The following ATP13A5 variants were observed in gnomAD, a reference collection of about 807,000 sequenced individuals.
ATP13A5 encodes the protein ATPase 13A5.
In ATP13A5, 149 loss-of-function variants were observed where a neutral mutation model predicts 150.2. The ratio of observed to expected loss-of-function variants is 0.99; its 90% confidence interval spans 0.87 to 1.14. The LOEUF (loss-of-function observed/expected upper bound fraction) is 1.14. ATP13A5 is among the 50% of genes most tolerant of loss of function. The pLI is 0.00. For synonymous variants in ATP13A5, 497 were observed against 522.2 expected, an observed-to-expected ratio of 0.95 and a Z score of 0.66; for missense variants, 1,383 against 1,449.3, an observed-to-expected ratio of 0.95 and a Z score of 0.74.
At chr3:193,355,837 C>T (rs190424340) in intron 5 of ATP13A5, among the ~76,000 whole-genome samples, 5 of 152,306 alleles carry the variant, frequency 3.3e-5, no homozygotes, top group Admixed American at 3.3e-4. Flanking sequence ...CTCGGTCCTC[C>T]ATTCTCTCTC....
At chr3:193,332,756 G>A (rs1314319739) in intron 11 of ATP13A5, among the ~76,000 whole-genome samples, 1 of 152,116 alleles carries the variant, frequency 6.6e-6, no homozygotes, top group Non-Finnish European at 1.5e-5. Flanking sequence ...CAGAGCCACA[G>A]GTTCTGACCC....
intron 18 of ATP13A5, 114 bp downstream of exon 18, chr3:193,314,858 C>T (rs1022372955): frequency 1.5e-5 from 21 of 1,383,318 alleles, no homozygotes; most frequent in African/African-American, 1.0e-4. Flanking sequence ...GTAACAAATT[C>T]GACAACAGAA....
chr3:193,376,076 G>A (rs1713631649), intron 1 of ATP13A5, among the ~76,000 whole-genome samples: 1 of 152,096 alleles, frequency 6.6e-6, no homozygotes, highest in African/African-American at 2.4e-5. Flanking sequence ...AGCCCCCAAG[G>A]CTGGGACTAA....
At chr3:193,296,013 G>C (rs1718156114) in intron 25 of ATP13A5, among the ~76,000 whole-genome samples, 2 of 152,090 alleles carry the variant, frequency 1.3e-5, no homozygotes, top group Non-Finnish European at 2.9e-5. Flanking sequence ...AGAGGGAAAG[G>C]GCAGGCAGCA....
intron 25 of ATP13A5, among the ~76,000 whole-genome samples, chr3:193,294,671 G>C (rs1718092113): frequency 6.6e-6 from 1 of 152,028 alleles, no homozygotes; most frequent in Admixed American, 6.6e-5. Context: ...TGGAAACCTG[G>C]AAATGTAAGA....
rs76869480 is a variant in ATP13A5, at chr3:193,301,841, A to T, written c.2679-534T>A. The stretch of plus-strand genomic sequence containing the variant: ...ATATTTGAGATTAAATGGGTAAGGA[A>T]GGCTTTGATATTGCAGGAAGACCCC... On this transcript the variant is annotated intron_variant, in intron 23 of 29. Transcript: ENST00000342358. 8.3e-3 allele frequency among the ~76,000 whole-genome samples: 1,265 copies of T among 152,284 alleles called. 38 individuals carry two copies. The highest frequency in any genetic ancestry group is 0.048 in the Admixed American group (734 of 15,288).
intron 14 of ATP13A5, among the ~76,000 whole-genome samples, 175 bp downstream of exon 14, chr3:193,324,689 G>A (rs1302948292): frequency 6.6e-6 from 1 of 152,172 alleles, no homozygotes; most frequent in Non-Finnish European, 1.5e-5. Flanking sequence ...ATTTCATGCA[G>A]CAACCATTAA....
At chr3:193,368,222 T>C (rs1046718331) in intron 1 of ATP13A5, among the ~76,000 whole-genome samples, 14 of 152,156 alleles carry the variant, frequency 9.2e-5, no homozygotes, top group African/African-American at 3.1e-4. Flanking sequence ...TTATAATACC[T>C]TCAAAGAAAG....
chr3:193,333,863 G>T lies in ATP13A5; in HGVS notation c.1159C>A (p.Pro387Thr). Reference sequence around the variant, plus strand: ...TATAGTTTGAAGTTCAGAGGCCGGGGGTACAGGATGGATCTCACTAAGTCC... The same window carrying T: ...TATAGTTTGAAGTTCAGAGGCCGGGTGTACAGGATGGATCTCACTAAGTCC... ...KGDLVRSILY[P>T]RPLNFKLYSD... Residue 387 changes from proline (P) to threonine (T), a missense_variant, in exon 11 of 30, where the codon CCC becomes ACC. Pro to Thr is a conservative substitution (Grantham distance 38, BLOSUM62 -1). Around this residue, in one of 3 missense-constraint regions of ATP13A5, gnomAD observed 787 missense variants for 771.9 expected, o/e 1.02. Transcript: ENST00000342358. 6.2e-7 allele frequency: 1 copy of T among 1,613,850 alleles called. No individual in the cohort carries two copies. The highest frequency in any genetic ancestry group is 8.5e-7 in the Non-Finnish European group (1 of 1,179,860).
chr3:193,299,600 C>T (rs1718323914), intron 24 of ATP13A5, among the ~76,000 whole-genome samples: 1 of 152,116 alleles, frequency 6.6e-6, no homozygotes, highest in South Asian at 2.1e-4. Flanking sequence ...TGCTCTCCAT[C>T]CTCACCCATG....
At chr3:193,307,263 G>A in intron 22 of ATP13A5, 64 bp downstream of exon 22, 2 of 1,611,508 alleles carry the variant, frequency 1.2e-6, no homozygotes, top group South Asian at 2.2e-5. Flanking sequence ...CCCCAGGAGA[G>A]CCTGAGGTCC....
intron 6 of ATP13A5, among the ~76,000 whole-genome samples, chr3:193,352,543 C>T (rs1712603616): frequency 6.6e-6 from 1 of 151,692 alleles, no homozygotes; most frequent in Non-Finnish European, 1.5e-5. Context: ...CCAGAAAATA[C>T]TAGCACTCCT....
intron 27 of ATP13A5, among the ~76,000 whole-genome samples, chr3:193,283,184 A>G (rs1022108124): frequency 2.6e-5 from 4 of 152,204 alleles, no homozygotes; most frequent in Admixed American, 6.5e-5. Context: ...TAAAAACTCA[A>G]TAGTCAATAA....
intron 13 of ATP13A5, among the ~76,000 whole-genome samples, chr3:193,325,216 A>G (rs1055924936): frequency 5.9e-5 from 9 of 152,176 alleles, no homozygotes; most frequent in African/African-American, 2.2e-4. Context: ...CTTACCTTAC[A>G]GTGTCCACTC....
In ATP13A5 at chr3:193,331,109, A is replaced by C. The variant is rs1711610042; in HGVS notation, c.1461+14T>G. 1 of 1,609,908 alleles carries C rather than the reference A, an allele frequency of 6.2e-7. No homozygotes were observed. ...GAAATCATTAACATTAAACCTGAGAAGTCTGGATCATACTTTGTCAAAGCA... is the reference window on the plus strand; with the variant it reads ...GAAATCATTAACATTAAACCTGAGACGTCTGGATCATACTTTGTCAAAGCA... On this transcript the variant is annotated intron_variant, in intron 12 of 29. Coordinates refer to ENST00000342358, the MANE Select transcript of ATP13A5 (RefSeq NM_198505.4).
chr3:193,280,196 G>A (rs533538913), intron 27 of ATP13A5, among the ~76,000 whole-genome samples: 4 of 151,940 alleles, frequency 2.6e-5, no homozygotes, highest in East Asian at 3.9e-4. Flanking sequence ...GACTACAGGC[G>A]CCCACCACCA....
chr3:193,360,924 G>A (rs113790343), intron 5 of ATP13A5, among the ~76,000 whole-genome samples: 3,771 of 152,234 alleles, frequency 0.025, 143 homozygotes, highest in African/African-American at 0.086. Flanking sequence ...TGAACCACCC[G>A]CCTTGGCCTC....
In ATP13A5 at chr3:193,325,017, G is replaced by C. The variant is rs368919679; in HGVS notation, c.1524-3C>G. 1 of 1,608,588 alleles carries C rather than the reference G, an allele frequency of 6.2e-7. No individual in the cohort carries two copies. The highest frequency in any genetic ancestry group is 1.3e-5 in the African/African-American group (1 of 74,642). ...CAAAGCTGTGGGCTTCCTGGAAGCTGGTAGAGAAGGTAATGTTAAAGTCTT... is the reference window on the plus strand; with the variant it reads ...CAAAGCTGTGGGCTTCCTGGAAGCTCGTAGAGAAGGTAATGTTAAAGTCTT... On this transcript the variant is annotated splice_region_variant and splice_polypyrimidine_tract_variant and intron_variant, in intron 13 of 29. Transcript: ENST00000342358.
intron 12 of ATP13A5, among the ~76,000 whole-genome samples, chr3:193,329,004 T>C (rs1365598087): frequency 6.6e-6 from 1 of 151,998 alleles, no homozygotes; most frequent in Non-Finnish European, 1.5e-5. Flanking sequence ...CCCAGCACTT[T>C]GGGAGGCCGA....
Sources: allele counts gnomAD v4.1 joint callset (sites outside exome capture counted in the v4.1 genomes callset), GRCh38; gene constraint gnomAD v4.1.1; regional missense constraint gnomAD v4.1.1; transcripts MANE v1.5; gene names NCBI Gene and HGNC (gene_info 2026-07-23, HGNC 2026-07-21).